GHR: variants seen among roughly 807,000 people sequenced by gnomAD.
GHR encodes the protein GH receptor.
GHR carries 35 observed loss-of-function variants against 67.1 expected under a neutral mutation model. The observed-to-expected ratio is 0.52, with a 90% CI of 0.40 to 0.69. GHR has a LOEUF of 0.69. GHR is among the 30% of genes least tolerant of loss of function. The pLI, the probability that GHR is intolerant of heterozygous loss-of-function variation, is 0.00. For missense variants in GHR, 792 were observed against 764.6 expected, an observed-to-expected ratio of 1.04 and a Z score of -0.42; for synonymous variants, 272 against 269.1, an observed-to-expected ratio of 1.01 and a Z score of -0.10.
At chr5:42,556,766 G>A (rs2112441104) in intron 1 of GHR, among the ~76,000 whole-genome samples, 1 of 152,306 alleles carries the variant, frequency 6.6e-6, no homozygotes. Context: ...TAGTTGCGGG[G>A]AGGCATTATA....
intron 3 of GHR, among the ~76,000 whole-genome samples, chr5:42,637,096 C>A (rs1580101235): frequency 6.6e-6 from 1 of 152,264 alleles, no homozygotes; most frequent in East Asian, 1.9e-4. Flanking sequence ...AACAGGCCCT[C>A]AGACCAGATG....
intron 1 of GHR, among the ~76,000 whole-genome samples, chr5:42,544,328 A>G (rs779338412): frequency 5.3e-5 from 8 of 152,232 alleles, no homozygotes; most frequent in South Asian, 2.1e-4. Flanking sequence ...ACAATGGCAG[A>G]TCATTTTTAT....
chr5:42,530,076 A>G (rs1478190508), intron 1 of GHR, among the ~76,000 whole-genome samples: 1 of 148,938 alleles, frequency 6.7e-6, no homozygotes, highest in African/African-American at 2.5e-5. Flanking sequence ...ATCAGCAAAT[A>G]AAAGTTGTAT....
chr5:42,708,136 T>C (rs1758271933), intron 6 of GHR, among the ~76,000 whole-genome samples: 1 of 152,158 alleles, frequency 6.6e-6, no homozygotes, highest in Admixed American at 6.6e-5. Flanking sequence ...TCAGTAGAGT[T>C]TCAGGTTTCA....
chr5:42,668,895 T>C (rs997904599), intron 3 of GHR, among the ~76,000 whole-genome samples: 1 of 152,152 alleles, frequency 6.6e-6, no homozygotes, highest in Non-Finnish European at 1.5e-5. Flanking sequence ...AAACACATCA[T>C]AAAGTTGAAA....
intron 6 of GHR, among the ~76,000 whole-genome samples, chr5:42,701,973 A>G (rs1035491731): frequency 1.3e-5 from 2 of 152,140 alleles, no homozygotes; most frequent in African/African-American, 2.4e-5. Flanking sequence ...TGTGTACAAC[A>G]TATTTTTTTG....
At chr5:42,525,001 C>A (rs778333763) in intron 1 of GHR, among the ~76,000 whole-genome samples, 5 of 152,206 alleles carry the variant, frequency 3.3e-5, no homozygotes, top group Non-Finnish European at 7.3e-5. Context: ...AGAGTTGGGG[C>A]CCTCATGGAG....
chr5:42,444,203 A>C (rs1743714081), intron 1 of GHR, among the ~76,000 whole-genome samples: 1 of 152,192 alleles, frequency 6.6e-6, no homozygotes, highest in Admixed American at 6.5e-5. Flanking sequence ...GGTTTTCTTT[A>C]GGATGGTGAG....
At chr5:42,598,550 A>G (rs1752203154) in intron 2 of GHR, among the ~76,000 whole-genome samples, 1 of 152,228 alleles carries the variant, frequency 6.6e-6, no homozygotes, top group African/African-American at 2.4e-5. Context: ...CTAACTGCCA[A>G]AACAGTAGTC....
intron 3 of GHR, among the ~76,000 whole-genome samples, chr5:42,658,836 C>A (rs1755402827): frequency 6.6e-6 from 1 of 152,080 alleles, no homozygotes. Flanking sequence ...AGTTGAGAAA[C>A]CCTACCATAA....
intron 1 of GHR, among the ~76,000 whole-genome samples, chr5:42,523,720 T>A (rs1249777894): frequency 5.9e-5 from 9 of 152,200 alleles, no homozygotes; most frequent in Admixed American, 5.9e-4. Flanking sequence ...GTGTCTGATA[T>A]GGTTTGGTTG....
intron 6 of GHR, among the ~76,000 whole-genome samples, chr5:42,709,854 G>A (rs1758366854): frequency 6.6e-6 from 1 of 152,088 alleles, no homozygotes; most frequent in Non-Finnish European, 1.5e-5. Flanking sequence ...TATGATAGGA[G>A]CCACGTAAGT....
At chr5:42,507,211 G>A (rs1431680031) in intron 1 of GHR, among the ~76,000 whole-genome samples, 1 of 152,132 alleles carries the variant, frequency 6.6e-6, no homozygotes, top group African/African-American at 2.4e-5. Flanking sequence ...ACAGTTTCAG[G>A]GTCATAGTTA....
chr5:42,516,558 GC>G (rs1459914129), intron 1 of GHR, among the ~76,000 whole-genome samples: 1 of 152,168 alleles, frequency 6.6e-6, no homozygotes, highest in Non-Finnish European at 1.5e-5. Flanking sequence ...AGAGCTGAAA[GC>G]AGTATCTGAC....
At position 42,427,054 on chromosome 5, in the gene GHR, C is replaced by T. The variant is rs1371350588; in HGVS notation, c.-12+3099C>T. The stretch of plus-strand genomic sequence containing the variant: ...GACCACAATGAATCTAGTCTCTTTT[C>T]CCTGTGTTTACCATACTTGAAAACA... On this transcript the variant is annotated intron_variant, in intron 1 of 9. Coordinates refer to ENST00000230882, the MANE Select transcript of GHR (RefSeq NM_000163.5). Among the ~76,000 whole-genome samples the T allele has an allele frequency of 2.0e-5, 3 of 152,340 alleles. No homozygotes were observed. The East Asian group carries it at 5.8e-4, about 29-fold the overall frequency.
intron 8 of GHR, among the ~76,000 whole-genome samples, chr5:42,714,672 G>A (rs1231940597): frequency 6.6e-6 from 1 of 152,086 alleles, no homozygotes; most frequent in East Asian, 1.9e-4. Flanking sequence ...ATTCCATTTT[G>A]CACCTAACTT....
intron 3 of GHR, among the ~76,000 whole-genome samples, chr5:42,635,634 A>T (rs1754140286): frequency 6.6e-6 from 1 of 152,172 alleles, no homozygotes; most frequent in Admixed American, 6.5e-5. Context: ...ATTTTTTGAA[A>T]GAAATATTTG....
chr5:42,662,601 A>G (rs1054343734), intron 3 of GHR, among the ~76,000 whole-genome samples: 8 of 152,196 alleles, frequency 5.3e-5, no homozygotes, highest in Non-Finnish European at 1.2e-4. Context: ...GACGCATTCA[A>G]AGCAGTGTGT....
intron 1 of GHR, among the ~76,000 whole-genome samples, chr5:42,534,444 GTGTATATATGTATGTATATA>G: frequency 7.2e-6 from 1 of 139,658 alleles, no homozygotes; most frequent in African/African-American, 2.8e-5. Flanking sequence ...ATGTGTATAT[GTGTATATATGTATGTATATA>G]TGTACATATG....
Sources: allele counts gnomAD v4.1 joint callset (sites outside exome capture counted in the v4.1 genomes callset), GRCh38; gene constraint gnomAD v4.1.1; transcripts MANE v1.5; gene names NCBI Gene and HGNC (gene_info 2026-07-23, HGNC 2026-07-21).